The following SOX6 variants were observed in gnomAD, a reference collection of about 807,000 sequenced individuals.
SOX6 encodes the protein SRY-box transcription factor 6, also known as transcription factor SOX-6.
SOX6 carries 11 observed loss-of-function variants against 97.8 expected under a neutral mutation model. The observed-to-expected ratio is 0.11, with a 90% CI of 0.07 to 0.19. The LOEUF (loss-of-function observed/expected upper bound fraction) is 0.19, where lower values mean the gene tolerates loss of function less well. SOX6 is among the 10% of genes least tolerant of loss of function. The pLI is 1.00. For synonymous variants in SOX6, 360 were observed against 371.4 expected, an observed-to-expected ratio of 0.97 and a Z score of 0.35; for missense variants, 810 against 1,039.5, an observed-to-expected ratio of 0.78 and a Z score of 3.04.
intron 12 of SOX6, among the ~76,000 whole-genome samples, chr11:16,033,992 A>G (rs970435530): frequency 2.6e-5 from 4 of 152,194 alleles, no homozygotes; most frequent in African/African-American, 7.2e-5. Flanking sequence ...TTGAGAAACC[A>G]ATGTGATTTT....
intron 2 of SOX6, among the ~76,000 whole-genome samples, chr11:16,323,487 A>G (rs907149452): frequency 1.8e-4 from 27 of 152,104 alleles, no homozygotes; most frequent in Admixed American, 9.8e-4. Flanking sequence ...ATGGTATTGA[A>G]TATATCAAAA....
chr11:16,521,596 C>A (rs1861064905), intron 4 of SOX6, among the ~76,000 whole-genome samples: 1 of 152,224 alleles, frequency 6.6e-6, no homozygotes, highest in South Asian at 2.1e-4. Flanking sequence ...CAAAGGAATG[C>A]AGTTCCTCAC....
chr11:16,657,399 C>T (rs1406129961), intron 3 of SOX6, among the ~76,000 whole-genome samples: 1 of 152,160 alleles, frequency 6.6e-6, no homozygotes, highest in African/African-American at 2.4e-5. Context: ...ATGAATAAAG[C>T]TGTTATTCAT....
intron 4 of SOX6, among the ~76,000 whole-genome samples, chr11:16,221,218 G>A (rs1283709721): frequency 2.0e-5 from 3 of 152,112 alleles, no homozygotes; most frequent in African/African-American, 7.2e-5. Flanking sequence ...ATAAAATAGT[G>A]AGTAAAACCA....
In SOX6 at chr11:16,325,544, T is replaced by C. The variant is rs1045318350; in HGVS notation, c.238-6891A>G. On this transcript the variant is annotated intron_variant, in intron 2 of 15. Coordinates refer to ENST00000683767, the MANE Select transcript of SOX6 (RefSeq NM_001367873.1). ...AGAAAAAAATAGTAATTTAAAAGAA[T>C]AGATTTTGGCCTTCTTGAAGATGTC... Among the ~76,000 whole-genome samples, 6 of 152,256 alleles carry C rather than the reference T, an allele frequency of 3.9e-5. No individual in the cohort carries two copies. The South Asian group carries it at 1.0e-3, about 26-fold the overall frequency.
chr11:16,288,137 G>A (rs188525269), intron 3 of SOX6, among the ~76,000 whole-genome samples: 55 of 152,172 alleles, frequency 3.6e-4, no homozygotes, highest in African/African-American at 1.3e-3. Context: ...AAAGGCAGGA[G>A]TACAGTGTGA....
At chr11:16,144,644 G>A (rs556875007) in intron 6 of SOX6, among the ~76,000 whole-genome samples, 15 of 151,858 alleles carry the variant, frequency 9.9e-5, no homozygotes, top group African/African-American at 1.4e-4. Flanking sequence ...TCAAATAGAC[G>A]CAATAAAAAA....
chr11:16,394,683 C>T lies in SOX6; in HGVS notation c.-4-53431G>A, dbSNP rs1405195269. 2.0e-5 allele frequency among the ~76,000 whole-genome samples: 3 copies of T among 151,926 alleles called. No homozygotes were observed. In the East Asian group the frequency reaches 5.8e-4, roughly 29 times the overall value. On this transcript the variant is annotated intron_variant, in intron 1 of 15. Coordinates refer to the SOX6 transcript ENST00000396356. ...GAATATTTTAGTTATTGTTATCTAC[C>T]TTAAAACCCTTCCATGTGGTCTCAT...
At chr11:16,738,197 C>G (rs947688215) in intron 1 of SOX6, among the ~76,000 whole-genome samples, 2 of 151,956 alleles carry the variant, frequency 1.3e-5, no homozygotes, top group African/African-American at 4.8e-5. Context: ...AAATCCCCTG[C>G]GCGCAATAGA....
chr11:16,327,284 A>G (rs980280285), intron 2 of SOX6, among the ~76,000 whole-genome samples: 3 of 152,200 alleles, frequency 2.0e-5, no homozygotes, highest in Non-Finnish European at 2.9e-5. Context: ...AATGCCTAGC[A>G]TATAAGTACT....
chr11:16,370,459 T>G (rs1857471330), intron 1 of SOX6, among the ~76,000 whole-genome samples: 1 of 152,164 alleles, frequency 6.6e-6, no homozygotes, highest in Non-Finnish European at 1.5e-5. Flanking sequence ...TAATTCAGAT[T>G]TGTTATATTA....
intron 2 of SOX6, among the ~76,000 whole-genome samples, chr11:16,322,742 A>G (rs1376114217): frequency 6.6e-6 from 1 of 152,158 alleles, no homozygotes; most frequent in Non-Finnish European, 1.5e-5. Context: ...ACTGATGAAC[A>G]ACCCAACTGA....
intron 3 of SOX6, among the ~76,000 whole-genome samples, chr11:16,709,186 A>G (rs1566579): frequency 0.54 from 82,231 of 151,892 alleles, 22,906 homozygotes; most frequent in Admixed American, 0.63. Flanking sequence ...TGCTGCCCTC[A>G]TGATAGCGAG....
At chr11:16,217,943 G>C (rs988304457) in intron 4 of SOX6, among the ~76,000 whole-genome samples, 3 of 152,046 alleles carry the variant, frequency 2.0e-5, no homozygotes, top group African/African-American at 7.2e-5. Context: ...AAAACATGGT[G>C]AAGTCGCCTC....
chr11:16,708,827 C>G (rs549927850), intron 3 of SOX6, among the ~76,000 whole-genome samples: 1 of 152,190 alleles, frequency 6.6e-6, no homozygotes, highest in African/African-American at 2.4e-5. Context: ...ATATTTTTCT[C>G]CCCAGAATAA....
At chr11:16,065,419 T>G (rs116681724) in intron 9 of SOX6, among the ~76,000 whole-genome samples, 1,833 of 152,180 alleles carry the variant, frequency 0.012, 35 homozygotes, top group African/African-American at 0.041. Context: ...TCAATATTGT[T>G]AAAATGTCCA....
At chr11:16,337,666 T>G (rs1856505139) in intron 2 of SOX6, among the ~76,000 whole-genome samples, 1 of 152,098 alleles carries the variant, frequency 6.6e-6, no homozygotes, top group African/African-American at 2.4e-5. Context: ...TTTCCAACCT[T>G]CAAATGGCTC....
chr11:16,665,528 C>T (rs1236217171), intron 3 of SOX6, among the ~76,000 whole-genome samples: 2 of 152,198 alleles, frequency 1.3e-5, no homozygotes, highest in African/African-American at 2.4e-5. Flanking sequence ...TAGTAGAGTA[C>T]AGCACCAGGT....
At chr11:16,596,010 T>A (rs1426036977) in intron 4 of SOX6, among the ~76,000 whole-genome samples, 1 of 152,204 alleles carries the variant, frequency 6.6e-6, no homozygotes, top group Non-Finnish European at 1.5e-5. Context: ...GAAGTTATGA[T>A]ATACACCAAC....
Sources: allele counts gnomAD v4.1 joint callset (sites outside exome capture counted in the v4.1 genomes callset), GRCh38; gene constraint gnomAD v4.1.1; transcripts MANE v1.5; gene names NCBI Gene and HGNC (gene_info 2026-07-23, HGNC 2026-07-21).